The following NRG4 variants were observed in gnomAD, a reference collection of about 807,000 sequenced individuals.
The protein encoded by NRG4 is pro-neuregulin-4, membrane-bound isoform.
Under a neutral mutation model 15.0 loss-of-function variants are expected in NRG4, and 10 were observed. That is an observed-to-expected ratio of 0.67 (90% CI 0.41 to 1.13). The LOEUF (loss-of-function observed/expected upper bound fraction) is 1.13. Among genes scored for constraint, NRG4 ranks in the 50% most tolerant of loss-of-function variants. The probability of loss-of-function intolerance (pLI) is 0.00; values close to 1 mark genes in which losing one functional copy is unlikely to be tolerated. For synonymous variants in NRG4, 41 were observed against 50.1 expected (o/e 0.82, Z 0.77); for missense variants, 139 against 140.2 (o/e 0.99, Z 0.04).
intron 3 of NRG4, among the ~76,000 whole-genome samples, chr15:75,979,349 C>T (rs1304852017): frequency 1.3e-5 from 2 of 152,082 alleles, no homozygotes; most frequent in Non-Finnish European, 2.9e-5. Flanking sequence ...TTATACTGTT[C>T]TTTTCTTATC....
chr15:75,954,452 C>T (rs1178702657), intron 5 of NRG4, among the ~76,000 whole-genome samples: 6 of 139,988 alleles, frequency 4.3e-5, no homozygotes, highest in East Asian at 4.1e-4. Context: ...TTTTTTGAGA[C>T]GGAATCTTGC....
In NRG4 at chr15:75,941,775, G is replaced by GT. The variant is rs1328474282; in HGVS notation, c.*1862dup. ...GAGCAGGAGGGAATGGGAATTTATT[G>GT]TTTAAGGGGCACAGAGATTAGTGTG... is the stretch of plus-strand genomic sequence containing the variant. On this transcript the variant is annotated 3_prime_UTR_variant, in exon 6 of 6. Coordinates refer to ENST00000394907, the MANE Select transcript of NRG4 (RefSeq NM_138573.4). 2 of 152,074 alleles carry GT rather than the reference G, an allele frequency of 1.3e-5. No homozygotes were observed. The highest frequency in any genetic ancestry group is 2.1e-4 in the South Asian group (1 of 4,822). The allele number at this position is 152,074 out of a possible 1,614,324, so 9.4% of individuals were successfully genotyped here. A position where few individuals can be genotyped will look rare whatever the true frequency, so the allele number is the denominator to read the frequency against.
Position 76,020,211 on chromosome 15 carries a change from C to T in NRG4, c.-56-8925G>A, listed in dbSNP as rs151100817. 2.6e-3 allele frequency among the ~76,000 whole-genome samples: 390 copies of T among 152,186 alleles called. 2 individuals are homozygous for T. The highest frequency in any genetic ancestry group is 8.8e-3 in the African/African-American group (366 of 41,516). On this transcript the variant is annotated intron_variant, in intron 5 of 8. Coordinates refer to the NRG4 transcript ENST00000563910. ...CCTATCTCCTCTGGCCTCTCTATTC[C>T]CTGAGACACAACAATATTGAAATTA... is the stretch of plus-strand genomic sequence containing the variant.
intron 3 of NRG4, among the ~76,000 whole-genome samples, chr15:76,002,344 A>C (rs1164522855): frequency 1.3e-5 from 2 of 152,220 alleles, no homozygotes; most frequent in East Asian, 3.8e-4. Context: ...GTATAACAAG[A>C]GATAATGAAG....
chr15:76,037,397 T>A (rs1343470327), intron 4 of NRG4, among the ~76,000 whole-genome samples: 3 of 151,268 alleles, frequency 2.0e-5, no homozygotes, highest in African/African-American at 7.3e-5. Flanking sequence ...TTGGGGAGAG[T>A]GAGAGCACAG....
intron 5 of NRG4, among the ~76,000 whole-genome samples, chr15:75,954,146 TAAA>T (rs915470195): frequency 6.6e-6 from 1 of 152,120 alleles, no homozygotes; most frequent in Admixed American, 6.5e-5. Context: ...CTCTTTTCAT[TAAA>T]AAAATTTTCT....
At chr15:76,053,763 C>T (rs113498129) in intron 2 of NRG4, among the ~76,000 whole-genome samples, 2,630 of 150,742 alleles carry the variant, frequency 0.017, 236 homozygotes, top group African/African-American at 0.061. Context: ...ATCATGTTGG[C>T]CAGGCTGGTC....
At chr15:75,958,478 C>T (rs1051575227) in intron 4 of NRG4, among the ~76,000 whole-genome samples, 1 of 152,132 alleles carries the variant, frequency 6.6e-6, no homozygotes, top group African/African-American at 2.4e-5. Context: ...TCTTTTCATA[C>T]TGTGAGACGC....
downstream of NRG4, chr15:75,938,233 T>G (rs969781255): frequency 2.0e-5 from 3 of 152,170 alleles, no homozygotes; most frequent in African/African-American, 7.2e-5. Context: ...GAATAGTCTT[T>G]TATAAAAATA....
At chr15:75,952,738 C>T (rs1455932147) in intron 5 of NRG4, among the ~76,000 whole-genome samples, 6 of 151,772 alleles carry the variant, frequency 4.0e-5, no homozygotes, top group Admixed American at 6.6e-5. Flanking sequence ...TGGTTTTGAT[C>T]GTCATTTCCT....
At chr15:75,963,437 A>G (rs1821218256) in intron 3 of NRG4, among the ~76,000 whole-genome samples, 1 of 152,128 alleles carries the variant, frequency 6.6e-6, no homozygotes, top group African/African-American at 2.4e-5. Flanking sequence ...TGGGGCCAGG[A>G]GTTCAAGATC....
chr15:75,992,413 A>T (rs2034051262), intron 3 of NRG4, among the ~76,000 whole-genome samples: 1 of 152,134 alleles, frequency 6.6e-6, no homozygotes, highest in African/African-American at 2.4e-5. Flanking sequence ...TGCAGGTAAT[A>T]AATTATCTTA....
intron 4 of NRG4, among the ~76,000 whole-genome samples, chr15:76,040,299 C>T (rs1042579008): frequency 6.6e-6 from 1 of 151,918 alleles, no homozygotes; most frequent in Non-Finnish European, 1.5e-5. Flanking sequence ...AACAGTTTAC[C>T]CTAGAATAGT....
intron 5 of NRG4, among the ~76,000 whole-genome samples, chr15:76,025,025 C>T (rs1745816725): frequency 6.6e-6 from 1 of 152,134 alleles, no homozygotes; most frequent in African/African-American, 2.4e-5. Context: ...GCAAACAGGA[C>T]ACCTTCAGAA....
chr15:76,028,903 C>CAGAA (rs1167656818), intron 5 of NRG4, among the ~76,000 whole-genome samples: 12 of 54,288 alleles, frequency 2.2e-4, no homozygotes, highest in African/African-American at 8.1e-4. Flanking sequence ...ACTCCTCCTC[C>CAGAA]AAAAAAAAAA....
At chr15:76,016,924 G>A (rs970690830), upstream of NRG4, among the ~76,000 whole-genome samples, 2 of 152,062 alleles carry the variant, frequency 1.3e-5, no homozygotes, top group Non-Finnish European at 2.9e-5. Flanking sequence ...GAACAGTGGG[G>A]TGTTAAAGTT....
chr15:76,030,408 A>G (rs1051023161), intron 5 of NRG4, among the ~76,000 whole-genome samples: 2 of 152,226 alleles, frequency 1.3e-5, no homozygotes, highest in African/African-American at 4.8e-5. Context: ...GGAACAGAAT[A>G]CAGAACCCAG....
chr15:75,981,622 A>C (rs1158202339), intron 3 of NRG4, among the ~76,000 whole-genome samples: 2 of 152,176 alleles, frequency 1.3e-5, no homozygotes. Context: ...ATTGCTATTG[A>C]AGGCTGAATG....
In NRG4 at chr15:75,977,760, GC is replaced by G. The variant is rs1313329086; in HGVS notation, c.105-15787del. Among the ~76,000 whole-genome samples the G allele has an allele frequency of 6.6e-6, 1 of 152,114 alleles. No homozygotes were observed. Among genetic ancestry groups the G allele is most frequent in the African/African-American group, 2.4e-5 (1 of 41,438 alleles). On this transcript the variant is annotated intron_variant, in intron 3 of 5. Coordinates refer to ENST00000394907, the MANE Select transcript of NRG4 (RefSeq NM_138573.4). The surrounding 1 kb of genome is among the most constrained non-coding windows in gnomAD (Gnocchi z 4.9). ...TGCAGACCAGAGCTGTTCCTATTTG[GC>G]CATCTTATCACTTCTTTCTTTTGGG...
Sources: gnomAD v4.1 joint callset for allele counts (sites outside exome capture counted in the v4.1 genomes callset) on GRCh38, gnomAD v4.1.1 for gene constraint, Gnocchi (gnomAD v3.1) non-coding constraint, MANE v1.5 for transcripts, NCBI Gene and HGNC (gene_info 2026-07-23, HGNC 2026-07-21) for gene names.